The following FKBP5 variants were observed in gnomAD, a reference collection of about 807,000 sequenced individuals.
FKBP5 encodes the protein FKBP prolyl isomerase 5.
In FKBP5, 23 loss-of-function variants were observed where a neutral mutation model predicts 50.5. That is an observed-to-expected ratio of 0.46 (90% confidence interval 0.33 to 0.65). The LOEUF is 0.65. FKBP5 is among the 30% of genes least tolerant of loss of function. The pLI is 0.02. For synonymous variants in FKBP5, 176 were observed against 190.6 expected, an observed-to-expected ratio of 0.92 and a Z score of 0.63; for missense variants, 411 against 553.1, an observed-to-expected ratio of 0.74 and a Z score of 2.58.
intron 2 of FKBP5, among the ~76,000 whole-genome samples, chr6:35,719,543 A>G (rs1766568955): frequency 6.6e-6 from 1 of 152,234 alleles, no homozygotes; most frequent in African/African-American, 2.4e-5. Context: ...CGGAACGGAC[A>G]TGCTCAGTTT....
chr6:35,641,191 C>T (rs1764478129), intron 2 of FKBP5, among the ~76,000 whole-genome samples: 1 of 152,058 alleles, frequency 6.6e-6, no homozygotes, highest in Non-Finnish European at 1.5e-5. Flanking sequence ...CTATGTTGCC[C>T]AGGCTGGTCT....
Position 35,580,156 on chromosome 6 carries a change from A to G in FKBP5, c.906T>C (p.Tyr302=). ...CTTTCGATTCCTTTTCTGATAAACC[A>G]TATTCCATCTCTAACCAGGACACTA... ...GKIVSWLEME[Y]GLSEKESKAS... The change falls in exon 9 of 11, where the codon TAT becomes TAC. Residue 302 remains tyrosine, a synonymous_variant. Transcript: ENST00000357266. The G allele has an allele frequency of 6.2e-7, 1 of 1,614,132 alleles. No homozygotes were observed. Among genetic ancestry groups the G allele is most frequent in the African/African-American group, 1.3e-5 (1 of 75,068 alleles).
chr6:35,641,877 T>C (rs1581844304), intron 2 of FKBP5, among the ~76,000 whole-genome samples: 1 of 151,968 alleles, frequency 6.6e-6, no homozygotes, highest in East Asian at 1.9e-4. Flanking sequence ...GCGCCTGTAA[T>C]CCCAGCTACT....
chr6:35,619,256 C>T (rs1383963977), intron 4 of FKBP5, 46 bp from the exon 5 acceptor site: 1 of 1,340,244 alleles, frequency 7.5e-7, no homozygotes, highest in East Asian at 2.3e-5. Context: ...CAAATAAAGC[C>T]AACTGAACAT....
In FKBP5 at chr6:35,574,578, C is replaced by A. The variant is rs1378442421; in HGVS notation, c.*1257G>T. 1 of 152,360 alleles carries A rather than the reference C, an allele frequency of 6.6e-6. No homozygotes were observed. Among genetic ancestry groups the A allele is most frequent in the East Asian group, 1.9e-4 (1 of 5,200 alleles). The allele number at this position is 152,360 out of a possible 1,614,324, so 9.4% of individuals were successfully genotyped here. A position where few individuals can be genotyped will look rare whatever the true frequency, so the allele number is the denominator to read the frequency against. On this transcript the variant is annotated 3_prime_UTR_variant, in exon 11 of 11. Coordinates refer to ENST00000357266, the MANE Select transcript of FKBP5 (RefSeq NM_004117.4). ...GTGTACCGGCATGGGAAGCTGTCTT[C>A]AACTCTTTCACAACTCACGCCAGAA...
At chr6:35,636,861 A>G (rs895310982) in intron 3 of FKBP5, among the ~76,000 whole-genome samples, 153 bp downstream of exon 3, 3 of 152,178 alleles carry the variant, frequency 2.0e-5, no homozygotes, top group Non-Finnish European at 4.4e-5. Context: ...CCCTAAAAAG[A>G]TCTCAGAGAG....
At chr6:35,633,282 C>T (rs1764216008) in intron 3 of FKBP5, among the ~76,000 whole-genome samples, 1 of 152,080 alleles carries the variant, frequency 6.6e-6, no homozygotes, top group East Asian at 1.9e-4. Flanking sequence ...GTGGCTCATG[C>T]CTGTAATCCC....
At chr6:35,608,707 A>C (rs1248120995) in intron 5 of FKBP5, among the ~76,000 whole-genome samples, 1 of 152,206 alleles carries the variant, frequency 6.6e-6, no homozygotes. Context: ...TTTAAAAAAG[A>C]AAATAATCTT....
chr6:35,616,871 C>T (rs1338229041), intron 5 of FKBP5, among the ~76,000 whole-genome samples: 3 of 151,616 alleles, frequency 2.0e-5, no homozygotes, highest in Admixed American at 6.6e-5. Flanking sequence ...TATAGACAAG[C>T]TTAAGTGCTT....
At chr6:35,590,255 C>T (rs556181450) in intron 7 of FKBP5, among the ~76,000 whole-genome samples, 4 of 151,942 alleles carry the variant, frequency 2.6e-5, no homozygotes, top group South Asian at 2.1e-4. Context: ...GCTATGATCG[C>T]GCTCACTGTA....
rs1762198418 is a variant in FKBP5, at chr6:35,575,927, C to T, written c.1282G>A (p.Ala428Thr). 1.2e-6 allele frequency: 2 copies of T among 1,609,554 alleles called. No individual in the cohort carries two copies. Among genetic ancestry groups the T allele is most frequent in the African/African-American group, 2.7e-5 (2 of 74,928 alleles). Residue 428 changes from alanine (A) to threonine (T), a missense_variant, in exon 11 of 11, where the codon GCA becomes ACA. Ala to Thr is a moderately conservative substitution (Grantham distance 58). Coordinates refer to ENST00000357266, the MANE Select transcript of FKBP5 (RefSeq NM_004117.4). ...CCTTCTGAAGTCTTCTTGCCCATTG[C>T]TTTATTGGCCTCTTCCTAAGGAAGA... ...EQDAKEEANK[A>T]MGKKTSEGVT...
intron 6 of FKBP5, among the ~76,000 whole-genome samples, chr6:35,594,114 G>A (rs1762904533): frequency 6.6e-6 from 1 of 151,982 alleles, no homozygotes; most frequent in African/African-American, 2.4e-5. Flanking sequence ...AAGCACTTTG[G>A]GAGGCTGAGG....
In FKBP5 at chr6:35,573,684, CT is replaced by C. The variant is rs532582236; in HGVS notation, c.*2150del. The C allele has an allele frequency of 9.1e-4, 139 of 152,088 alleles. No individual in the cohort carries two copies. Among genetic ancestry groups the C allele is most frequent in the African/African-American group, 3.1e-3 (128 of 41,468 alleles). 9.4% of individuals were successfully genotyped at this position (152,088 alleles called of 1,614,324 possible). A position where few individuals can be genotyped will look rare whatever the true frequency, so the allele number is the denominator to read the frequency against. On this transcript the variant is annotated 3_prime_UTR_variant, in exon 11 of 11. Transcript: ENST00000357266. The stretch of plus-strand genomic sequence containing the variant: ...AACAATGTCTTTAATTCCTCATATG[CT>C]GACTTGGCAATCCATATGCAGCCTA...
At chr6:35,647,065 G>A (rs184733716) in intron 1 of FKBP5, among the ~76,000 whole-genome samples, 1 of 152,140 alleles carries the variant, frequency 6.6e-6, no homozygotes, top group African/African-American at 2.4e-5. Flanking sequence ...TAACAGGAGA[G>A]TTTTCAGAAA....
chr6:35,591,769 A>G (rs935935362), intron 6 of FKBP5, among the ~76,000 whole-genome samples: 2 of 152,234 alleles, frequency 1.3e-5, no homozygotes, highest in African/African-American at 4.8e-5. Context: ...AAGTTTTCAC[A>G]CTATTTAAGT....
At chr6:35,598,459 G>A (rs1763050134) in intron 5 of FKBP5, among the ~76,000 whole-genome samples, 1 of 151,732 alleles carries the variant, frequency 6.6e-6, no homozygotes, top group East Asian at 1.9e-4. Context: ...CTGACCTCAG[G>A]TGATCCACCC....
chr6:35,591,636 G>A (rs1269529547), intron 6 of FKBP5, among the ~76,000 whole-genome samples: 1 of 151,902 alleles, frequency 6.6e-6, no homozygotes, highest in Admixed American at 6.6e-5. Flanking sequence ...CACTGTAATT[G>A]TTAGAGTGGT....
chr6:35,639,545 A>G (rs1764418280), intron 2 of FKBP5, among the ~76,000 whole-genome samples: 1 of 152,218 alleles, frequency 6.6e-6, no homozygotes, highest in Admixed American at 6.5e-5. Context: ...TCGTAAACAG[A>G]GGCAGGGAGA....
chr6:35,668,252 T>C (rs562777065), intron 1 of FKBP5, among the ~76,000 whole-genome samples: 1 of 152,188 alleles, frequency 6.6e-6, no homozygotes, highest in Non-Finnish European at 1.5e-5. Flanking sequence ...CAGAGCCCAC[T>C]CCCCTTTATG....
Sources: allele counts gnomAD v4.1 joint callset (sites outside exome capture counted in the v4.1 genomes callset), GRCh38; gene constraint gnomAD v4.1.1; transcripts MANE v1.5; gene names NCBI Gene and HGNC (gene_info 2026-07-23, HGNC 2026-07-21).